The following GNG12 variants were observed in gnomAD, a reference collection of about 807,000 sequenced individuals.
GNG12 encodes guanine nucleotide-binding protein G(I)/G(S)/G(O) subunit gamma-12.
For synonymous variants in GNG12, 28 were observed against 29.7 expected (o/e 0.94, Z 0.19); for missense variants, 69 against 83.8 (o/e 0.82, Z 0.69).
intron 1 of GNG12, among the ~76,000 whole-genome samples, chr1:67,782,162 G>A (rs143552963): frequency 2.6e-5 from 4 of 152,156 alleles, no homozygotes; most frequent in Non-Finnish European, 5.9e-5. Flanking sequence ...CTACTGTAGG[G>A]ATAAAAGGTA....
chr1:67,748,237 T>C (rs140488411), intron 2 of GNG12, among the ~76,000 whole-genome samples: 1 of 152,320 alleles, frequency 6.6e-6, no homozygotes, highest in East Asian at 1.9e-4. Flanking sequence ...GTAATATGCT[T>C]CCTTTGAAGA....
intron 1 of GNG12, among the ~76,000 whole-genome samples, chr1:67,832,866 GCCA>G (rs1647056800): frequency 6.6e-6 from 1 of 152,154 alleles, no homozygotes; most frequent in Admixed American, 6.5e-5. Flanking sequence ...GCCCCCACAT[GCCA>G]GCCCTCCTCC....
chr1:67,806,834 T>C lies in GNG12; in HGVS notation c.-77+26510A>G, dbSNP rs1192983926. 5.3e-5 allele frequency among the ~76,000 whole-genome samples: 8 copies of C among 152,280 alleles called. No homozygotes were observed. The East Asian group carries it at 1.2e-3, about 22-fold the overall frequency. ...CAAATAGATCAATCCACCATTATAA[T>C]TGGAGATTTCAATGCCCTTCTATCA... On this transcript the variant is annotated intron_variant, in intron 1 of 3. Transcript: ENST00000370982.
At chr1:67,756,133 G>A (rs1007530580) in intron 2 of GNG12, among the ~76,000 whole-genome samples, 37 of 152,274 alleles carry the variant, frequency 2.4e-4, no homozygotes, top group African/African-American at 8.7e-4. Flanking sequence ...AACTTCAAAA[G>A]AGTGCAGTAA....
chr1:67,802,539 G>A (rs1014829729), intron 1 of GNG12, among the ~76,000 whole-genome samples: 7 of 152,142 alleles, frequency 4.6e-5, no homozygotes, highest in Admixed American at 2.0e-4. Context: ...TTCTCAAAAA[G>A]TGGCACTTGT....
At chr1:67,829,081 T>C (rs1018451725) in intron 1 of GNG12, among the ~76,000 whole-genome samples, 3 of 152,176 alleles carry the variant, frequency 2.0e-5, no homozygotes, top group African/African-American at 4.8e-5. Context: ...AGTATATATA[T>C]AGGCGCATTG....
At chr1:67,811,619 T>A (rs1646926368) in intron 1 of GNG12, among the ~76,000 whole-genome samples, 1 of 152,160 alleles carries the variant, frequency 6.6e-6, no homozygotes, top group South Asian at 2.1e-4. Context: ...CAACATCTCT[T>A]TGTTACATCT....
chr1:67,728,764 C>G (rs1646401635), intron 2 of GNG12, among the ~76,000 whole-genome samples: 1 of 152,142 alleles, frequency 6.6e-6, no homozygotes, highest in South Asian at 2.1e-4. Flanking sequence ...AGCAGAAACA[C>G]ATTCAGGAGA....
Position 67,786,971 on chromosome 1 carries a change from GTGTGTGTGTGTGTGTATGTA to G in GNG12, c.-76-9484_-76-9465del, listed in dbSNP as rs1265195357. 6.1e-3 allele frequency among the ~76,000 whole-genome samples: 835 copies of G among 137,950 alleles called. 13 individuals carry two copies. Among genetic ancestry groups the G allele is most frequent in the African/African-American group, 0.021 (806 of 38,824 alleles). The allele number at this position is 137,950 out of a possible 152,430, so 90.5% of individuals were successfully genotyped here. A position where few individuals can be genotyped will look rare whatever the true frequency, so the allele number is the denominator to read the frequency against. The stretch of plus-strand genomic sequence containing the variant: ...TGTGTGTGTGTGTGTGTGTGTGTGT[GTGTGTGTGTGTGTGTATGTA>G]TATATATGTGTATATCTGTGTGTGT... On this transcript the variant is annotated intron_variant, in intron 1 of 3. Coordinates refer to ENST00000370982, the MANE Select transcript of GNG12 (RefSeq NM_018841.6).
At chr1:67,728,561 T>G (rs567007799) in intron 2 of GNG12, among the ~76,000 whole-genome samples, 1 of 152,276 alleles carries the variant, frequency 6.6e-6, no homozygotes, top group East Asian at 1.9e-4. Flanking sequence ...ATACGGGGAC[T>G]GTAAATGTCA....
chr1:67,765,990 G>A (rs1324802304), intron 2 of GNG12, among the ~76,000 whole-genome samples: 1 of 152,086 alleles, frequency 6.6e-6, no homozygotes, highest in Non-Finnish European at 1.5e-5. Flanking sequence ...TAACAGCTGT[G>A]AGCCTTAAGC....
intron 1 of GNG12, among the ~76,000 whole-genome samples, chr1:67,821,874 G>A (rs767314499): frequency 1.3e-5 from 2 of 151,686 alleles, no homozygotes; most frequent in South Asian, 4.2e-4. Flanking sequence ...GTTGAAATAC[G>A]GTGTTATTAT....
chr1:67,709,901 T>TA (rs1557591829), intron 2 of GNG12, among the ~76,000 whole-genome samples: 13 of 103,710 alleles, frequency 1.3e-4, no homozygotes, highest in African/African-American at 6.2e-4. Flanking sequence ...TATATATATA[T>TA]TTTTATATAG....
chr1:67,736,672 T>C (rs893307970), intron 2 of GNG12, among the ~76,000 whole-genome samples: 2 of 152,030 alleles, frequency 1.3e-5, no homozygotes, highest in Admixed American at 1.3e-4. Flanking sequence ...AGGAAAACCA[T>C]CCATGTGGTG....
chr1:67,787,570 T>C (rs76305766), intron 1 of GNG12, among the ~76,000 whole-genome samples: 3,207 of 152,212 alleles, frequency 0.021, 125 homozygotes, highest in African/African-American at 0.072. Flanking sequence ...GAAAGAGCAC[T>C]GACAGGGGGG....
At chr1:67,730,380 A>T (rs1043421874) in intron 2 of GNG12, among the ~76,000 whole-genome samples, 12 of 152,198 alleles carry the variant, frequency 7.9e-5, no homozygotes, top group African/African-American at 2.9e-4. Context: ...GCACATCTGT[A>T]GTTCCAGCTA....
intron 1 of GNG12, among the ~76,000 whole-genome samples, chr1:67,814,576 G>C (rs1316241906): frequency 6.6e-6 from 1 of 152,124 alleles, no homozygotes; most frequent in Non-Finnish European, 1.5e-5. Flanking sequence ...TATAAACATG[G>C]TACCTGCCAG....
At chr1:67,766,323 A>G (rs1366741950) in intron 2 of GNG12, among the ~76,000 whole-genome samples, 1 of 152,170 alleles carries the variant, frequency 6.6e-6, no homozygotes, top group Non-Finnish European at 1.5e-5. Context: ...CCGAAAGGGG[A>G]AATTATTTTC....
chr1:67,761,497 T>A (rs944394707), intron 2 of GNG12, among the ~76,000 whole-genome samples: 1 of 152,130 alleles, frequency 6.6e-6, no homozygotes, highest in African/African-American at 2.4e-5. Flanking sequence ...GGATAATGGG[T>A]CCAGGCAAAT....
Sources: gnomAD v4.1 joint callset for allele counts (sites outside exome capture counted in the v4.1 genomes callset) on GRCh38, gnomAD v4.1.1 for gene constraint, MANE v1.5 for transcripts, NCBI Gene and HGNC (gene_info 2026-07-23, HGNC 2026-07-21) for gene names.